MYO15B: variants seen among roughly 807,000 people sequenced by gnomAD.
MYO15B encodes the protein myosin XVB, also known as myosin XVB pseudogene.
Under a neutral mutation model 119.3 loss-of-function variants are expected in MYO15B, and 207 were observed. The ratio of observed to expected loss-of-function variants is 1.73; its 90% CI spans 1.55 to 1.95. The LOEUF (loss-of-function observed/expected upper bound fraction) is 1.95. Among genes scored for constraint, MYO15B ranks in the 30% most tolerant of loss-of-function variants. The probability of loss-of-function intolerance (pLI) is 0.00; values close to 1 mark genes in which losing one functional copy is unlikely to be tolerated. For missense variants in MYO15B, 2,264 were observed against 1,203.1 expected, an observed-to-expected ratio of 1.88 and a Z score of -13.04; for synonymous variants, 966 against 498.9, an observed-to-expected ratio of 1.94 and a Z score of -12.48.
At chr17:75,617,269 C>G in exon 41 of MYO15B, 1 of 678,972 alleles carries the variant, frequency 1.5e-6, no homozygotes, top group East Asian at 2.7e-5. Context: ...CTGCCTCTGC[C>G]CGAGGACCCA....
At chr17:75,621,682 C>T (rs559671248) in intron 52 of MYO15B, 112 bp downstream of exon 52, 8 of 629,322 alleles carry the variant, frequency 1.3e-5, no homozygotes, top group Admixed American at 4.8e-5. Flanking sequence ...CTGCCAACTC[C>T]GGGAAGCTCA....
intron 50 of MYO15B, 50 bp from the exon 51 acceptor site, chr17:75,621,295 G>A (rs528766129): frequency 8.9e-6 from 6 of 673,758 alleles, no homozygotes; most frequent in Middle Eastern, 2.4e-4. Flanking sequence ...TGGCTGGGAT[G>A]AAGGCAGGAG....
At chr17:75,602,892 G>T in exon 17 of MYO15B, 1 of 686,506 alleles carries the variant, frequency 1.5e-6, no homozygotes, top group Non-Finnish European at 2.7e-6. Flanking sequence ...GCAGACCCAC[G>T]CTGGCCTCTC....
intron 19 of MYO15B, 149 bp downstream of exon 19, chr17:75,603,461 C>CCT (rs373339169): frequency 2.2e-4 from 130 of 580,246 alleles, no homozygotes; most frequent in South Asian, 7.0e-4. Context: ...GTCCTCTCAT[C>CCT]CTCTCTCTCT....
At chr17:75,619,108 A>G (rs992632774) in intron 43 of MYO15B, 35 bp from the exon 44 acceptor site, 51 of 702,546 alleles carry the variant, frequency 7.3e-5, no homozygotes, top group Non-Finnish European at 1.2e-4. Flanking sequence ...GCTCTGTCTC[A>G]GGACCTGGTG....
At chr17:75,605,478 T>G (rs2057582607) in intron 19 of MYO15B, 26 bp from the exon 20 acceptor site, 1 of 697,278 alleles carries the variant, frequency 1.4e-6, no homozygotes, top group Non-Finnish European at 2.6e-6. Context: ...CTGGCTATTC[T>G]GATCTCAGCT....
chr17:75,625,201 C>G, exon 60 of MYO15B: 1 of 702,544 alleles, frequency 1.4e-6, no homozygotes, highest in South Asian at 1.5e-5. Context: ...GGCCGCCCTG[C>G]AGCACCTCAG....
chr17:75,614,827 C>G (rs1300721637), exon 32 of MYO15B: 1 of 702,732 alleles, frequency 1.4e-6, no homozygotes, highest in Non-Finnish European at 2.6e-6. Flanking sequence ...ATCTTCCAGC[C>G]AGTGATATCC....
Position 75,617,066 on chromosome 17 carries a change from T to C in MYO15B, c.6595-19T>C. On this transcript the variant is annotated intron_variant, in intron 40 of 63. Transcript: ENST00000645453. ...TTGTGCTGTGACTCAGCCCGTGTAC[T>C]TTCTCCGTATCCCCCCAGATGCTGT... 1 of 684,864 alleles carries C rather than the reference T, an allele frequency of 1.5e-6. No homozygotes were observed. 42.4% of individuals were successfully genotyped at this position (684,864 alleles called of 1,614,324 possible).
chr17:75,606,362 T>C (rs1287732006), intron 21 of MYO15B, among the ~76,000 whole-genome samples: 1 of 152,042 alleles, frequency 6.6e-6, no homozygotes, highest in Non-Finnish European at 1.5e-5. Context: ...TTACCCAGGC[T>C]GGAGTGCAGT....
chr17:75,619,714 G>A (rs941448436), exon 46 of MYO15B: 19 of 702,880 alleles, frequency 2.7e-5, no homozygotes, highest in South Asian at 1.5e-4. Flanking sequence ...GCTGTTAGCC[G>A]TGTCCCACCG....
intron 12 of MYO15B, 92 bp downstream of exon 12, chr17:75,595,064 C>T (rs1006740848): frequency 2.1e-5 from 14 of 661,598 alleles, no homozygotes; most frequent in Admixed American, 8.6e-5. Flanking sequence ...TCCCTGGGGG[C>T]ACTCGCGAGG....
intron 12 of MYO15B, among the ~76,000 whole-genome samples, chr17:75,595,294 A>G (rs947020859): frequency 2.0e-5 from 3 of 152,278 alleles, no homozygotes; most frequent in African/African-American, 7.2e-5. Context: ...TCATCCAAGC[A>G]TGGTCTCTGC....
chr17:75,619,427 C>A, exon 45 of MYO15B: 1 of 702,690 alleles, frequency 1.4e-6, no homozygotes, highest in South Asian at 1.5e-5. Context: ...ATCGTGGTGG[C>A]CGCTCGGGAC....
chr17:75,592,114 C>T (rs1406943084), intron 6 of MYO15B, 34 bp downstream of exon 6: 1 of 702,424 alleles, frequency 1.4e-6, no homozygotes, highest in East Asian at 2.7e-5. Flanking sequence ...CACCTACAAT[C>T]ACTTACCCTT....
At position 75,622,238 on chromosome 17, in the gene MYO15B, TAA is replaced by T. The variant is rs547208114; in HGVS notation, c.8082+159_8082+160del. Among the ~76,000 whole-genome samples, 943 of 152,344 alleles carry T rather than the reference TAA, an allele frequency of 6.2e-3. 11 individuals carry two copies. The highest frequency in any genetic ancestry group is 4.6e-3 in the Non-Finnish European group (310 of 68,034). On this transcript the variant is annotated intron_variant, in intron 53 of 63. Transcript: ENST00000645453. ...GGGTGTGGCTGTGAAGCCAACAGGC[TAA>T]GTCTCTGCAGTGCTTACAATGAGAT...
chr17:75,622,839 C>T (rs915234653), intron 53 of MYO15B, among the ~76,000 whole-genome samples: 2 of 152,092 alleles, frequency 1.3e-5, no homozygotes, highest in African/African-American at 2.4e-5. Context: ...CTGTTTTGGA[C>T]ACGTGAGGTC....
In MYO15B at chr17:75,591,242, C is replaced by T. The variant is rs2056425539; in HGVS notation, c.2431C>T (p.Leu811=). The T allele has an allele frequency of 7.1e-6, 5 of 702,914 alleles. No homozygotes were observed. The East Asian group carries it at 8.0e-5, about 11-fold the overall frequency. The allele number at this position is 702,914 out of a possible 1,614,324, so 43.5% of individuals were successfully genotyped here. ...TACTGGGCAGGACCCATGCATCCTC[C>T]TGTGGTGAGTGGTGGCCTTCCTGGG... The change falls in exon 4 of 64, where the codon CTG becomes TTG. Residue 811 remains leucine, a synonymous_variant. Transcript: ENST00000645453.
chr17:75,614,706 G>A, intron 31 of MYO15B, 23 bp downstream of exon 31: 1 of 702,646 alleles, frequency 1.4e-6, no homozygotes, highest in Non-Finnish European at 2.6e-6. Flanking sequence ...TGGGCACATG[G>A]AGGTTGGCAG....
Sources: gnomAD v4.1 joint callset for allele counts (sites outside exome capture counted in the v4.1 genomes callset) on GRCh38, gnomAD v4.1.1 for gene constraint, MANE v1.5 for transcripts, NCBI Gene and HGNC (gene_info 2026-07-23, HGNC 2026-07-21) for gene names.